SLC25A42: variants seen among roughly 807,000 people sequenced by gnomAD.
SLC25A42 encodes mitochondrial coenzyme A transporter SLC25A42.
In SLC25A42, 19 loss-of-function variants were observed where a neutral mutation model predicts 34.7. The ratio of observed to expected loss-of-function variants is 0.55; its 90% CI spans 0.38 to 0.80. The LOEUF is 0.80. Ranked by LOEUF, SLC25A42 falls within the 30% of genes least tolerant of loss-of-function variation. The pLI is 0.00. For synonymous variants in SLC25A42, 205 were observed against 191.2 expected (o/e 1.07, Z -0.59); for missense variants, 364 against 441.3 (o/e 0.82, Z 1.57).
chr19:19,102,035 G>A (rs1462050417), intron 3 of SLC25A42, 149 bp downstream of exon 3: 2 of 597,434 alleles, frequency 3.3e-6, no homozygotes, highest in East Asian at 3.1e-5. Flanking sequence ...TTGAGACGGA[G>A]TCTCGCTCTG....
intron 1 of SLC25A42, among the ~76,000 whole-genome samples, chr19:19,091,136 G>A (rs541287252): frequency 6.6e-6 from 1 of 152,276 alleles, no homozygotes; most frequent in Admixed American, 6.5e-5. Flanking sequence ...TCACTTCATG[G>A]GTGTCTTTTC....
chr19:19,086,963 C>G (rs939299409), intron 1 of SLC25A42, among the ~76,000 whole-genome samples: 2 of 151,904 alleles, frequency 1.3e-5, no homozygotes, highest in Non-Finnish European at 2.9e-5. Flanking sequence ...ATATAGTTAC[C>G]ATGTGTGTGG....
chr19:19,101,197 T>C (rs1198245176), intron 2 of SLC25A42, among the ~76,000 whole-genome samples: 1 of 152,092 alleles, frequency 6.6e-6, no homozygotes, highest in Non-Finnish European at 1.5e-5. Flanking sequence ...CAGAAAGCGA[T>C]GGCTCTCAGG....
chr19:19,094,069 T>G (rs1275557190), intron 1 of SLC25A42, among the ~76,000 whole-genome samples: 1 of 152,216 alleles, frequency 6.6e-6, no homozygotes, highest in African/African-American at 2.4e-5. Flanking sequence ...TCCACCTGAC[T>G]TATCCCAGCC....
intron 1 of SLC25A42, among the ~76,000 whole-genome samples, chr19:19,090,189 A>G (rs2059730839): frequency 6.6e-6 from 1 of 152,072 alleles, no homozygotes; most frequent in Non-Finnish European, 1.5e-5. Context: ...CCAACCCCCC[A>G]AATGATGTCT....
chr19:19,098,189 AGCCAGAGGCAG>A (rs1269970893), intron 2 of SLC25A42, among the ~76,000 whole-genome samples: 4 of 152,312 alleles, frequency 2.6e-5, no homozygotes, highest in African/African-American at 9.6e-5. Context: ...TGGAAGTATC[AGCCAGAGGCAG>A]CAGCCTCCAC....
intron 1 of SLC25A42, among the ~76,000 whole-genome samples, chr19:19,092,948 A>G (rs918329070): frequency 3.9e-5 from 6 of 152,246 alleles, no homozygotes; most frequent in African/African-American, 1.4e-4. Context: ...GCTGATGATG[A>G]AAGATGCCGA....
intron 7 of SLC25A42, 23 bp downstream of exon 7, chr19:19,108,068 G>T: frequency 1.3e-6 from 2 of 1,533,818 alleles, no homozygotes; most frequent in South Asian, 2.5e-5. Context: ...GGGAGCATGA[G>T]GAGGGGACGT....
rs907379433 is a variant in SLC25A42 at position 19,081,721 on chromosome 19, G to T, written c.-34-14370G>T. Among the ~76,000 whole-genome samples the T allele has an allele frequency of 6.6e-6, 1 of 152,154 alleles. No homozygotes were observed. Among genetic ancestry groups the T allele is most frequent in the African/African-American group, 2.4e-5 (1 of 41,436 alleles). Reference sequence around the variant, plus strand: ...GAGGCGCCCGCCACCTCCCTCCACTGCAGCCTACCGTCCAGGCCCTACGCT... The same window carrying T: ...GAGGCGCCCGCCACCTCCCTCCACTTCAGCCTACCGTCCAGGCCCTACGCT... On this transcript the variant is annotated intron_variant, in intron 1 of 7. Coordinates refer to ENST00000318596, the MANE Select transcript of SLC25A42 (RefSeq NM_178526.5). This position sits in a 1 kb window ranked among gnomAD's most constrained non-coding sequence, Gnocchi z 4.5.
intron 1 of SLC25A42, among the ~76,000 whole-genome samples, chr19:19,087,396 T>C (rs1436493875): frequency 1.3e-5 from 2 of 152,190 alleles, no homozygotes; most frequent in Non-Finnish European, 2.9e-5. Flanking sequence ...CAAGCGATTC[T>C]CCTGCCTCGG....
intron 1 of SLC25A42, among the ~76,000 whole-genome samples, chr19:19,087,777 C>A (rs1159329970): frequency 6.6e-6 from 1 of 152,202 alleles, no homozygotes; most frequent in Non-Finnish European, 1.5e-5. Context: ...GCTGCTTATT[C>A]AGAGTTTGCA....
intron 1 of SLC25A42, among the ~76,000 whole-genome samples, chr19:19,084,930 CAA>C (rs796897868): frequency 4.5e-4 from 42 of 93,990 alleles, no homozygotes; most frequent in South Asian, 7.2e-4. Flanking sequence ...GACCCCATCT[CAA>C]AAAAAAAAAA....
chr19:19,073,303 C>G (rs185254104), intron 1 of SLC25A42, among the ~76,000 whole-genome samples: 47 of 152,284 alleles, frequency 3.1e-4, no homozygotes, highest in African/African-American at 1.1e-3. Flanking sequence ...GGACCCCCAG[C>G]CTGGTTGCAG....
At chr19:19,077,016 T>G (rs1163665320) in intron 1 of SLC25A42, among the ~76,000 whole-genome samples, 1 of 152,038 alleles carries the variant, frequency 6.6e-6, no homozygotes, top group African/African-American at 2.4e-5. Flanking sequence ...AGACCCCATC[T>G]CTACAAAAAA....
intron 7 of SLC25A42, 116 bp downstream of exon 7, chr19:19,108,161 G>A: frequency 3.3e-6 from 4 of 1,225,858 alleles, no homozygotes; most frequent in Non-Finnish European, 4.4e-6. Flanking sequence ...CGACCCCTGG[G>A]TGGGGCAGGC....
chr19:19,106,456 C>A (rs2059829006), intron 6 of SLC25A42, 71 bp downstream of exon 6: 5 of 1,322,256 alleles, frequency 3.8e-6, no homozygotes, highest in Non-Finnish European at 4.2e-6. Context: ...AGGTCGGAAT[C>A]CCTCTCTCTA....
chr19:19,096,474 G>A (rs904416271), intron 2 of SLC25A42, among the ~76,000 whole-genome samples: 5 of 152,014 alleles, frequency 3.3e-5, no homozygotes, highest in Admixed American at 1.3e-4. Context: ...GATGGAGGAC[G>A]CCAGCCACCC....
chr19:19,104,705 T>C (rs2059816677), intron 3 of SLC25A42, among the ~76,000 whole-genome samples: 1 of 152,174 alleles, frequency 6.6e-6, no homozygotes, highest in Non-Finnish European at 1.5e-5. Context: ...GGCAGGGTGC[T>C]GAGTGTCAAC....
Position 19,096,148 on chromosome 19 carries a change from C to T in SLC25A42, c.24C>T (p.Gly8=), listed in dbSNP as rs1247066044. ...GTATGGGTAATGGTGTGAAGGAAGG[C>T]CCGGTGCGATTGCATGAGGATGCTG... The part of the protein sequence containing the change: MGNGVKE[G]PVRLHEDAEA... The change falls in exon 2 of 8, where the codon GGC becomes GGT. Residue 8 remains glycine (G), a synonymous_variant. Transcript: ENST00000318596. The T allele has an allele frequency of 6.2e-7, 1 of 1,614,010 alleles. No homozygotes were observed. Among genetic ancestry groups the T allele is most frequent in the Non-Finnish European group, 8.5e-7 (1 of 1,179,992 alleles).
Sources: allele counts gnomAD v4.1 joint callset (sites outside exome capture counted in the v4.1 genomes callset), GRCh38; gene constraint gnomAD v4.1.1; non-coding constraint Gnocchi (gnomAD v3.1); transcripts MANE v1.5; gene names NCBI Gene and HGNC (gene_info 2026-07-23, HGNC 2026-07-21).